Variants in CACNA1B observed in about 807,000 individuals in gnomAD.
CACNA1B encodes voltage-dependent N-type calcium channel subunit alpha-1B.
In CACNA1B, 70 loss-of-function variants were observed where a neutral mutation model predicts 247.2. That is an observed-to-expected ratio of 0.28 (90% CI 0.23 to 0.35). The LOEUF is 0.35. Among genes scored for constraint, CACNA1B ranks in the 10% least tolerant of loss-of-function variants. The probability of loss-of-function intolerance (pLI) is 1.00; values close to 1 mark genes in which losing one functional copy is unlikely to be tolerated. For synonymous variants in CACNA1B, 1,231 were observed against 1,294.4 expected, an observed-to-expected ratio of 0.95 and a Z score of 1.05; for missense variants, 2,367 against 3,197.4, an observed-to-expected ratio of 0.74 and a Z score of 6.26.
At position 138,015,074 on chromosome 9, in the gene CACNA1B, G is replaced by A. The variant is rs372272903; in HGVS notation, c.2267+1839G>A. On this transcript the variant is annotated intron_variant, in intron 18 of 46. Coordinates refer to ENST00000371372, the MANE Select transcript of CACNA1B (RefSeq NM_000718.4). ...TTCTTTTTTCCCGGGGGACCCCTAG[G>A]TGTTCTGCCTCACGGTGGGTCTGGA... Among the ~76,000 whole-genome samples, 8 of 152,208 alleles carry A rather than the reference G, an allele frequency of 5.3e-5. No homozygotes were observed. The East Asian group carries it at 1.2e-3, about 22-fold the overall frequency.
In CACNA1B at chr9:138,011,465, C is replaced by G. The variant is rs1362142606; in HGVS notation, c.2160+1388C>G. Among the ~76,000 whole-genome samples the G allele has an allele frequency of 6.6e-6, 1 of 152,210 alleles. No homozygotes were observed. Among genetic ancestry groups the G allele is most frequent in the Non-Finnish European group, 1.5e-5 (1 of 68,046 alleles). On this transcript the variant is annotated intron_variant, in intron 17 of 46. Coordinates refer to ENST00000371372, the MANE Select transcript of CACNA1B (RefSeq NM_000718.4). This position sits in a 1 kb window ranked among gnomAD's most constrained non-coding sequence, Gnocchi z 4.2. Reference sequence around the variant, plus strand: ...GTCTGGCTGTGGGCATTTTTCTGGGCTGACCAAGAGCCGCAAAGTTTATGA... The same window carrying G: ...GTCTGGCTGTGGGCATTTTTCTGGGGTGACCAAGAGCCGCAAAGTTTATGA...
At chr9:137,964,565 C>T (rs1159663751) in intron 10 of CACNA1B, among the ~76,000 whole-genome samples, 1 of 152,202 alleles carries the variant, frequency 6.6e-6, no homozygotes, top group Admixed American at 6.5e-5. Flanking sequence ...CCTTTCTAAA[C>T]TGGCTGTATT....
Position 138,102,638 on chromosome 9 carries a change from C to CA in CACNA1B, c.5223-73_5223-72insA. 1 of 747,252 alleles carries CA rather than the reference C, an allele frequency of 1.3e-6. No homozygotes were observed. Among genetic ancestry groups the CA allele is most frequent in the Admixed American group, 2.3e-5 (1 of 42,736 alleles). 46.3% of individuals were successfully genotyped at this position (747,252 alleles called of 1,614,324 possible). On this transcript the variant is annotated intron_variant, in intron 37 of 46. Coordinates refer to ENST00000371372, the MANE Select transcript of CACNA1B (RefSeq NM_000718.4). This position sits in a 1 kb window ranked among gnomAD's most constrained non-coding sequence, Gnocchi z 5.4. ...CCTGCCCCTACCCCGCTCCCCTCCC[C>CA]GCTCCCCTCCTGCTGCCGCTCCTCC...
intron 20 of CACNA1B, among the ~76,000 whole-genome samples, chr9:138,033,024 A>G (rs1221742900): frequency 6.6e-6 from 1 of 151,762 alleles, no homozygotes; most frequent in East Asian, 1.9e-4. Context: ...TGAATATTAG[A>G]TCTTTTGTTA....
intron 42 of CACNA1B, 70 bp downstream of exon 42, chr9:138,115,749 T>A: frequency 1.4e-6 from 2 of 1,477,162 alleles, no homozygotes; most frequent in African/African-American, 2.8e-5. Context: ...GAAGCAGACA[T>A]CCCATTTCCT....
intron 9 of CACNA1B, 91 bp downstream of exon 9, chr9:137,956,918 A>C (rs1173686754): frequency 1.8e-6 from 2 of 1,089,442 alleles, no homozygotes; most frequent in South Asian, 1.3e-5. Flanking sequence ...TTTCACGCGA[A>C]GTGCTCTTGG....
chr9:138,031,648 A>G (rs924016408), intron 20 of CACNA1B, among the ~76,000 whole-genome samples: 3 of 152,136 alleles, frequency 2.0e-5, no homozygotes, highest in African/African-American at 4.8e-5. Flanking sequence ...TCCTTTCAGT[A>G]CTGTAAGTTT....
chr9:138,000,365 T>G (rs912374017), intron 15 of CACNA1B, among the ~76,000 whole-genome samples: 2 of 152,232 alleles, frequency 1.3e-5, no homozygotes, highest in Admixed American at 1.3e-4. Context: ...CCCAAAGTGC[T>G]GGGATTACAG....
Position 138,121,703 on chromosome 9 carries a change from G to T in CACNA1B, c.6724G>T (p.Asp2242Tyr). Residue 2242 changes from aspartate (D) to tyrosine (Y), a missense_variant, in exon 47 of 47, where the codon GAC (aspartate) becomes TAC (tyrosine). Physicochemically the swap from Asp to Tyr is radical, Grantham distance 160. Transcript: ENST00000371372. This position sits in a 1 kb window ranked among gnomAD's most constrained non-coding sequence, Gnocchi z 6.8. ...LSEHNALLQR[D>Y]PLSQPLAPGS... ...CGAACACAACGCCCTGCTGCAGAGA[G>T]ACCCCCTCAGCCAGCCCCTGGCCCC... The T allele has an allele frequency of 6.2e-7, 1 of 1,613,284 alleles. No homozygotes were observed. The highest frequency in any genetic ancestry group is 8.5e-7 in the Non-Finnish European group (1 of 1,179,812).
chr9:138,115,773 C>T lies in CACNA1B; in HGVS notation c.5777+94C>T, dbSNP rs1961833186. The T allele has an allele frequency of 3.0e-6, 4 of 1,338,372 alleles. No individual in the cohort carries two copies. The Admixed American group carries it at 6.2e-5, about 21-fold the overall frequency. The allele number at this position is 1,338,372 out of a possible 1,614,324, so 82.9% of individuals were successfully genotyped here. ...ATCCCATTTCCTCAACCTCCCTGGCCCTCACTTCCACTGGCCTCTGGGTTC... is the reference window on the plus strand; with the variant it reads ...ATCCCATTTCCTCAACCTCCCTGGCTCTCACTTCCACTGGCCTCTGGGTTC... On this transcript the variant is annotated intron_variant, in intron 42 of 46. Coordinates refer to ENST00000371372, the MANE Select transcript of CACNA1B (RefSeq NM_000718.4).
intron 7 of CACNA1B, among the ~76,000 whole-genome samples, chr9:137,953,762 C>G (rs1199436428): frequency 6.6e-6 from 1 of 152,000 alleles, no homozygotes; most frequent in Admixed American, 6.5e-5. Context: ...AGGTTGTGGC[C>G]TGTGTGTTGC....
chr9:138,066,718 A>AG (rs1959931176), intron 31 of CACNA1B, among the ~76,000 whole-genome samples: 1 of 152,272 alleles, frequency 6.6e-6, no homozygotes, highest in South Asian at 2.1e-4. Context: ...TGTATATTAA[A>AG]GCTCATGAGA....
chr9:138,105,630 C>A, intron 38 of CACNA1B, 69 bp from the exon 39 acceptor site: 1 of 824,264 alleles, frequency 1.2e-6, no homozygotes, highest in Non-Finnish European at 2.0e-6. Context: ...GGGACCCCAT[C>A]ATTGCGTAGT....
intron 6 of CACNA1B, among the ~76,000 whole-genome samples, chr9:137,946,471 A>AGT (rs1472314111): frequency 1.3e-5 from 2 of 152,160 alleles, no homozygotes; most frequent in African/African-American, 2.4e-5. Context: ...GACAGAAAAG[A>AGT]GTCCTTCCCC....
In CACNA1B at chr9:137,989,431, G is replaced by C. The variant is rs151211567; in HGVS notation, c.1974+2577G>C. The stretch of plus-strand genomic sequence containing the variant: ...AGGCTCCCATGTGAGGTGCGAAAGA[G>C]AGGGTGGCCAGTGCCCCTTCCGAGT... On this transcript the variant is annotated intron_variant, in intron 15 of 46. Transcript: ENST00000371372. Among the ~76,000 whole-genome samples the C allele has an allele frequency of 1.5e-3, 229 of 152,298 alleles. 2 individuals are homozygous for C. Among genetic ancestry groups the C allele is most frequent in the Non-Finnish European group, 1.8e-3 (121 of 68,020 alleles).
intron 20 of CACNA1B, among the ~76,000 whole-genome samples, chr9:138,041,247 C>T (rs955458728): frequency 2.0e-5 from 3 of 152,298 alleles, no homozygotes; most frequent in Non-Finnish European, 2.9e-5. Flanking sequence ...GCTTGGGACT[C>T]CTACCTGTGC....
intron 10 of CACNA1B, among the ~76,000 whole-genome samples, chr9:137,970,082 A>T (rs1372044362): frequency 6.6e-6 from 1 of 152,128 alleles, no homozygotes; most frequent in Non-Finnish European, 1.5e-5. Context: ...TGCATAGCAC[A>T]CATGCCCACA....
intron 15 of CACNA1B, among the ~76,000 whole-genome samples, chr9:137,994,462 T>C (rs1378311720): frequency 6.6e-6 from 1 of 152,184 alleles, no homozygotes; most frequent in Non-Finnish European, 1.5e-5. Context: ...CCAAAGACTT[T>C]TCCAAAAAGC....
chr9:138,121,911 C>T lies in CACNA1B; in HGVS notation c.6932C>T (p.Pro2311Leu), dbSNP rs779972634. 5.6e-6 allele frequency: 9 copies of T among 1,611,112 alleles called. No individual in the cohort carries two copies. Among genetic ancestry groups the T allele is most frequent in the South Asian group, 1.1e-5 (1 of 91,092 alleles). Reference protein sequence around the residue: ...TSQSHPLRRVPNGYHCTLGLS... With the variant: ...TSQSHPLRRVLNGYHCTLGLS... ...CAGTCTCACCCTCTCCGCCGCGTGC[C>T]CAACGGTTACCACTGCACCCTGGGA... is the stretch of plus-strand genomic sequence containing the variant. Residue 2311 changes from proline to leucine, a missense_variant, in exon 47 of 47, where the codon CCC (proline) becomes CTC (leucine). Coordinates refer to ENST00000371372, the MANE Select transcript of CACNA1B (RefSeq NM_000718.4). This position sits in a 1 kb window ranked among gnomAD's most constrained non-coding sequence, Gnocchi z 6.8.
Sources: allele counts gnomAD v4.1 joint callset (sites outside exome capture counted in the v4.1 genomes callset), GRCh38; gene constraint gnomAD v4.1.1; non-coding constraint Gnocchi (gnomAD v3.1); transcripts MANE v1.5; gene names NCBI Gene and HGNC (gene_info 2026-07-23, HGNC 2026-07-21).